The following ZNF519 variants were observed in gnomAD, a reference collection of about 807,000 sequenced individuals.
ZNF519 encodes the protein zinc finger protein 519.
ZNF519 carries 7 observed loss-of-function variants against 7.4 expected under a neutral mutation model. The ratio of observed to expected loss-of-function variants is 0.94; its 90% CI spans 0.54 to 1.77. The LOEUF is 1.77. ZNF519 is among the 40% of genes most tolerant of loss of function. The pLI is 0.00. For synonymous variants in ZNF519, 179 were observed against 203.3 expected, an observed-to-expected ratio of 0.88 and a Z score of 1.02; for missense variants, 586 against 623.1, an observed-to-expected ratio of 0.94 and a Z score of 0.63.
At chr18:14,087,620 T>C (rs1334076170) in intron 2 of ZNF519, among the ~76,000 whole-genome samples, 1 of 152,160 alleles carries the variant, frequency 6.6e-6, no homozygotes, top group Non-Finnish European at 1.5e-5. Context: ...GATGTTGCCA[T>C]GATTAAAGGA....
At chr18:14,099,314 G>A (rs548891257), downstream of ZNF519, among the ~76,000 whole-genome samples, 75 of 152,216 alleles carry the variant, frequency 4.9e-4, no homozygotes, top group Non-Finnish European at 8.8e-4. Context: ...AAGTAATGAA[G>A]AAATACTTGT....
chr18:14,111,524 A>C (rs1027079320), intron 2 of ZNF519, among the ~76,000 whole-genome samples: 1 of 151,068 alleles, frequency 6.6e-6, no homozygotes, highest in African/African-American at 2.4e-5. Flanking sequence ...AGAAAAAAAA[A>C]AAAAAAGAAA....
chr18:14,078,515 T>A (rs1034401892), intron 3 of ZNF519, among the ~76,000 whole-genome samples: 2 of 152,180 alleles, frequency 1.3e-5, no homozygotes, highest in African/African-American at 4.8e-5. Flanking sequence ...TAAATTTTAC[T>A]AATAAACAAA....
rs189642212 is a variant in ZNF519 at position 14,104,428 on chromosome 18, C to T, written c.*489G>A. The T allele has an allele frequency of 0.016, 2,426 of 153,466 alleles. 23 individuals carry two copies. The highest frequency in any genetic ancestry group is 0.031 in the Middle Eastern group (9 of 294). 9.5% of individuals were successfully genotyped at this position (153,466 alleles called of 1,614,324 possible). A position where few individuals can be genotyped will look rare whatever the true frequency, so the allele number is the denominator to read the frequency against. On this transcript the variant is annotated 3_prime_UTR_variant, in exon 3 of 3. Coordinates refer to ENST00000590202, the MANE Select transcript of ZNF519 (RefSeq NM_145287.4). ...TCTTCCATGGGAAACTTGTGAATGA[C>T]GTCATGAGACATGTGAATGATGACA...
intron 2 of ZNF519, among the ~76,000 whole-genome samples, chr18:14,109,155 T>C (rs2046209481): frequency 6.6e-6 from 1 of 151,726 alleles, no homozygotes; most frequent in South Asian, 2.1e-4. Context: ...GGTTAATTCA[T>C]CAAGAAGATA....
intron 2 of ZNF519, among the ~76,000 whole-genome samples, chr18:14,112,988 T>C (rs1037684542): frequency 6.6e-6 from 1 of 152,178 alleles, no homozygotes; most frequent in Non-Finnish European, 1.5e-5. Context: ...TTTGCCTTTA[T>C]GTGGCTGGCT....
exon 5 of ZNF519, chr18:14,077,267 G>A (rs988189090): frequency 1.3e-5 from 2 of 152,232 alleles, no homozygotes; most frequent in African/African-American, 4.8e-5. Flanking sequence ...CTTCCTGCAT[G>A]GCTTTAGCAC....
intron 2 of ZNF519, among the ~76,000 whole-genome samples, chr18:14,120,865 T>A (rs2046266584): frequency 6.6e-6 from 1 of 152,098 alleles, no homozygotes; most frequent in Non-Finnish European, 1.5e-5. Context: ...CTTCTAGGCA[T>A]ACTACTACCA....
At chr18:14,129,238 T>C (rs1463400417) in intron 1 of ZNF519, among the ~76,000 whole-genome samples, 1 of 152,152 alleles carries the variant, frequency 6.6e-6, no homozygotes. Flanking sequence ...GTGTCTACAG[T>C]TGAGATAAGC....
chr18:14,109,707 C>G (rs1373767012), intron 2 of ZNF519, among the ~76,000 whole-genome samples: 1 of 151,936 alleles, frequency 6.6e-6, no homozygotes, highest in Admixed American at 6.6e-5. Flanking sequence ...ACAGTAAAAG[C>G]AGTACTAAAA....
chr18:14,091,798 G>C (rs990990462), intron 2 of ZNF519, among the ~76,000 whole-genome samples: 3 of 152,032 alleles, frequency 2.0e-5, no homozygotes, highest in Non-Finnish European at 4.4e-5. Flanking sequence ...AAAATATTGA[G>C]GATCACACAC....
intron 2 of ZNF519, chr18:14,090,444 G>A (rs926390798): frequency 2.0e-5 from 3 of 152,160 alleles, no homozygotes; most frequent in Non-Finnish European, 2.9e-5. Context: ...GGTGACAGAC[G>A]AGAGGCTAAA....
At chr18:14,110,045 A>G (rs978258201) in intron 2 of ZNF519, among the ~76,000 whole-genome samples, 4 of 152,128 alleles carry the variant, frequency 2.6e-5, no homozygotes, top group African/African-American at 9.7e-5. Context: ...AATACAGGCA[A>G]CTCATCTTAA....
chr18:14,079,684 G>A (rs2046062836), intron 3 of ZNF519, among the ~76,000 whole-genome samples: 1 of 152,172 alleles, frequency 6.6e-6, no homozygotes, highest in Non-Finnish European at 1.5e-5. Flanking sequence ...AACAGATGGT[G>A]CTAGAAGAAC....
chr18:14,108,304 G>C (rs2046204214), intron 2 of ZNF519, among the ~76,000 whole-genome samples: 1 of 152,122 alleles, frequency 6.6e-6, no homozygotes. Flanking sequence ...TCATGGACTG[G>C]AGTGAGAACT....
chr18:14,122,177 C>G (rs1379388448), intron 2 of ZNF519: 1 of 152,148 alleles, frequency 6.6e-6, no homozygotes, highest in Non-Finnish European at 1.5e-5. Context: ...AAAATCTGCA[C>G]ATATAGAGTT....
rs2046179310 is a variant in ZNF519, at chr18:14,104,788, A to T, written c.*129T>A. The T allele has an allele frequency of 3.8e-6, 4 of 1,062,358 alleles. No individual in the cohort carries two copies. The highest frequency in any genetic ancestry group is 5.1e-5 in the East Asian group (2 of 39,164). The allele number at this position is 1,062,358 out of a possible 1,614,324, so 65.8% of individuals were successfully genotyped here. A position where few individuals can be genotyped will look rare whatever the true frequency, so the allele number is the denominator to read the frequency against. ...AAAGTGACACTTCTAATTTTTATTT[A>T]ATCTTCATTTTGATGTTTCAAAAAT... On this transcript the variant is annotated 3_prime_UTR_variant, in exon 3 of 3. Transcript: ENST00000590202.
At chr18:14,109,412 C>A (rs1278334913) in intron 2 of ZNF519, among the ~76,000 whole-genome samples, 1 of 152,160 alleles carries the variant, frequency 6.6e-6, no homozygotes. Context: ...TCAGAATACA[C>A]ATTTTTCTCT....
Position 14,106,225 on chromosome 18 carries a change from C to G in ZNF519, c.315G>C (p.Leu105Phe). Residue 105 changes from leucine (L) to phenylalanine (F), a missense_variant, in exon 3 of 3, where the codon TTG becomes TTC. Physicochemically the swap from Leu to Phe is conservative, Grantham distance 22. Transcript: ENST00000590202. ...TTAAATGTTTGTTATGACTAGTTGT[C>G]AAATATTGGCTACATAGATTATAAC... Reference protein sequence around the residue: ...KECYNLCSQYLTTSHNKHLTV... With the variant: ...KECYNLCSQYFTTSHNKHLTV... The G allele has an allele frequency of 6.2e-7, 1 of 1,613,384 alleles. No individual in the cohort carries two copies. The highest frequency in any genetic ancestry group is 8.5e-7 in the Non-Finnish European group (1 of 1,179,852).
Sources: allele counts gnomAD v4.1 joint callset (sites outside exome capture counted in the v4.1 genomes callset), GRCh38; gene constraint gnomAD v4.1.1; transcripts MANE v1.5; gene names NCBI Gene and HGNC (gene_info 2026-07-23, HGNC 2026-07-21).